Variants in APBB2 observed in about 807,000 individuals in gnomAD.
APBB2 encodes Fe65-like 1.
APBB2 carries 38 observed loss-of-function variants against 82.5 expected under a neutral mutation model. The ratio of observed to expected loss-of-function variants is 0.46; its 90% confidence interval spans 0.36 to 0.60. APBB2 has a LOEUF of 0.60. APBB2 is among the 20% of genes least tolerant of loss of function. The pLI, the probability that APBB2 is intolerant of heterozygous loss-of-function variation, is 0.00. For synonymous variants in APBB2, 341 were observed against 368.2 expected (o/e 0.93, Z 0.85); for missense variants, 772 against 972.3 (o/e 0.79, Z 2.74).
Position 41,096,475 on chromosome 4 carries a change from G to A in APBB2, c.-149+4164C>T, listed in dbSNP as rs555814487. On this transcript the variant is annotated intron_variant, in intron 3 of 17. Transcript: ENST00000508593. ...ATAAATATATTTAATTGTATCATGT[G>A]AACTAAGAAATATTCTACTAGAAAA... 2.6e-5 allele frequency among the ~76,000 whole-genome samples: 4 copies of A among 152,124 alleles called. No individual in the cohort carries two copies. The South Asian group carries it at 8.3e-4, about 32-fold the overall frequency.
At chr4:40,928,702 T>C (rs542005077) in intron 10 of APBB2, among the ~76,000 whole-genome samples, 3 of 152,078 alleles carry the variant, frequency 2.0e-5, no homozygotes, top group Admixed American at 1.3e-4. Flanking sequence ...CTGGCCAACA[T>C]GGTGAAACCC....
intron 3 of APBB2, among the ~76,000 whole-genome samples, chr4:41,070,920 A>C (rs1205734118): frequency 6.6e-6 from 1 of 152,248 alleles, no homozygotes; most frequent in Non-Finnish European, 1.5e-5. Flanking sequence ...CCAGTCTACA[A>C]AGTGTTTAGT....
intron 4 of APBB2, among the ~76,000 whole-genome samples, chr4:41,061,341 C>T (rs1729764161): frequency 6.6e-6 from 1 of 152,180 alleles, no homozygotes; most frequent in Non-Finnish European, 1.5e-5. Flanking sequence ...GCAAACATCA[C>T]CATGGAGTGT....
chr4:40,844,904 T>C (rs1757042700), intron 12 of APBB2, among the ~76,000 whole-genome samples: 1 of 152,222 alleles, frequency 6.6e-6, no homozygotes, highest in Admixed American at 6.5e-5. Flanking sequence ...AAAGCCTATC[T>C]GTAGTGTGTG....
intron 13 of APBB2, among the ~76,000 whole-genome samples, chr4:40,828,082 C>T (rs1171518929): frequency 6.6e-6 from 1 of 152,150 alleles, no homozygotes; most frequent in African/African-American, 2.4e-5. Context: ...TGTGAGGCCT[C>T]ACCAGCCACA....
At position 40,945,089 on chromosome 4, in the gene APBB2, G is replaced by T; in HGVS notation, c.836-16C>A. On this transcript the variant is annotated splice_polypyrimidine_tract_variant and intron_variant, in intron 6 of 17. Coordinates refer to ENST00000508593, the MANE Select transcript of APBB2 (RefSeq NM_004307.2). ...CATATATCTGCTGAAAAATTGGGGGGCGGGGCGGGGGGAGAAAGAGAGAAT... is the reference window on the plus strand; with the variant it reads ...CATATATCTGCTGAAAAATTGGGGGTCGGGGCGGGGGGAGAAAGAGAGAAT... The T allele has an allele frequency of 1.1e-6, 1 of 940,678 alleles. No homozygotes were observed. Among genetic ancestry groups the T allele is most frequent in the Non-Finnish European group, 1.6e-6 (1 of 623,746 alleles). 58.3% of individuals were successfully genotyped at this position (940,678 alleles called of 1,614,324 possible).
chr4:40,898,491 C>T (rs1318794889), intron 10 of APBB2, among the ~76,000 whole-genome samples: 5 of 152,144 alleles, frequency 3.3e-5, no homozygotes, highest in Non-Finnish European at 5.9e-5. Context: ...TCTCAAACTC[C>T]TGACCTCAGG....
At position 40,814,991 on chromosome 4, in the gene APBB2, G is replaced by C. The variant is rs1745228229; in HGVS notation, c.*1101C>G. 6.6e-6 allele frequency: 1 copy of C among 152,272 alleles called. No individual in the cohort carries two copies. Among genetic ancestry groups the C allele is most frequent in the Non-Finnish European group, 1.5e-5 (1 of 68,032 alleles). 9.4% of individuals were successfully genotyped at this position (152,272 alleles called of 1,614,324 possible). A position where few individuals can be genotyped will look rare whatever the true frequency, so the allele number is the denominator to read the frequency against. On this transcript the variant is annotated 3_prime_UTR_variant, in exon 18 of 18. Coordinates refer to ENST00000508593, the MANE Select transcript of APBB2 (RefSeq NM_004307.2). ...TCAACCTAATGTAATTTGTTGCCAT[G>C]GACAATACATGATGGACAGACAGCT...
At chr4:41,145,315 T>TA (rs1223289453) in intron 1 of APBB2, among the ~76,000 whole-genome samples, 2 of 151,986 alleles carry the variant, frequency 1.3e-5, no homozygotes, top group Non-Finnish European at 1.5e-5. Context: ...CCCAGAGAGG[T>TA]AAAATGTCTT....
chr4:40,915,646 G>A (rs10805146), intron 10 of APBB2, among the ~76,000 whole-genome samples: 118,776 of 152,066 alleles, frequency 0.78, 46,914 homozygotes, highest in South Asian at 0.87. Flanking sequence ...AATGAACTCA[G>A]TGAGTTCATA....
At chr4:40,987,653 T>G (rs368238880) in intron 6 of APBB2, among the ~76,000 whole-genome samples, 60 of 152,330 alleles carry the variant, frequency 3.9e-4, no homozygotes, top group African/African-American at 1.3e-3. Flanking sequence ...GTGAGAATTC[T>G]CATGAGGGTT....
intron 7 of APBB2, chr4:40,935,382 A>G: frequency 2.1e-6 from 1 of 479,998 alleles, no homozygotes. Context: ...ACTAAACATT[A>G]TTAGAAGCAG....
intron 1 of APBB2, among the ~76,000 whole-genome samples, chr4:41,185,585 A>T (rs146603461): frequency 2.0e-5 from 3 of 152,182 alleles, no homozygotes. Flanking sequence ...TTCTTTATTG[A>T]CTATGTCAAA....
intron 6 of APBB2, among the ~76,000 whole-genome samples, chr4:40,984,812 C>T (rs6856268): frequency 0.11 from 16,479 of 152,150 alleles, 947 homozygotes; most frequent in Admixed American, 0.16. Flanking sequence ...GTGGGGAGTA[C>T]ATGAAATTAA....
intron 6 of APBB2, among the ~76,000 whole-genome samples, chr4:41,012,426 A>T (rs1808638152): frequency 6.6e-6 from 1 of 152,204 alleles, no homozygotes; most frequent in African/African-American, 2.4e-5. Flanking sequence ...ATTACTGAAC[A>T]TAATTATGAT....
At chr4:40,967,915 G>T (rs1394691208) in intron 6 of APBB2, among the ~76,000 whole-genome samples, 4 of 152,200 alleles carry the variant, frequency 2.6e-5, no homozygotes, top group African/African-American at 9.7e-5. Context: ...CAAGTGGAAG[G>T]GAGGGCTTTT....
At chr4:41,024,455 T>C (rs948724590) in intron 5 of APBB2, among the ~76,000 whole-genome samples, 5 of 152,138 alleles carry the variant, frequency 3.3e-5, no homozygotes, top group African/African-American at 9.7e-5. Flanking sequence ...CCAGCACCTA[T>C]TGAGGGAGGA....
intron 10 of APBB2, among the ~76,000 whole-genome samples, chr4:40,915,199 A>G (rs1383927335): frequency 6.6e-6 from 1 of 152,064 alleles, no homozygotes; most frequent in Non-Finnish European, 1.5e-5. Flanking sequence ...CACCCTCCCA[A>G]TCTACCTGCT....
At chr4:41,001,158 G>T (rs1805116698) in intron 6 of APBB2, among the ~76,000 whole-genome samples, 1 of 152,226 alleles carries the variant, frequency 6.6e-6, no homozygotes, top group African/African-American at 2.4e-5. Flanking sequence ...CAATGGCATG[G>T]AGTTGGAGTC....
Sources: gnomAD v4.1 joint callset for allele counts (sites outside exome capture counted in the v4.1 genomes callset) on GRCh38, gnomAD v4.1.1 for gene constraint, MANE v1.5 for transcripts, NCBI Gene and HGNC (gene_info 2026-07-23, HGNC 2026-07-21) for gene names.